TAFA1: variants seen among roughly 807,000 people sequenced by gnomAD.
The protein encoded by TAFA1 is chemokine-like protein TAFA-1.
Under a neutral mutation model 18.5 loss-of-function variants are expected in TAFA1, and 4 were observed. That is an observed-to-expected ratio of 0.22 (90% CI 0.11 to 0.49). TAFA1 has a LOEUF of 0.49. Among genes scored for constraint, TAFA1 ranks in the 20% least tolerant of loss-of-function variants. The pLI is 0.98. For synonymous variants in TAFA1, 56 were observed against 55.2 expected, an observed-to-expected ratio of 1.01 and a Z score of -0.06; for missense variants, 147 against 169.0, an observed-to-expected ratio of 0.87 and a Z score of 0.72.
At chr3:68,110,798 T>C (rs1033691120) in intron 2 of TAFA1, among the ~76,000 whole-genome samples, 1 of 152,104 alleles carries the variant, frequency 6.6e-6, no homozygotes, top group Non-Finnish European at 1.5e-5. Flanking sequence ...ATAAAAGTAA[T>C]TTTGATAGCT....
chr3:68,538,702 T>G (rs1444142059), intron 3 of TAFA1, 54 bp from the exon 4 acceptor site: 2 of 1,593,612 alleles, frequency 1.3e-6, no homozygotes, highest in Non-Finnish European at 1.7e-6. Context: ...ACAACGTCAG[T>G]GTTCAGGTTG....
intron 1 of TAFA1, chr3:68,006,309 T>G: frequency 3.9e-6 from 1 of 257,974 alleles, no homozygotes; most frequent in Non-Finnish European, 7.7e-6. Flanking sequence ...TAAAGATCAT[T>G]GTGTAAAATA....
At chr3:68,255,643 A>G (rs2067283491) in intron 2 of TAFA1, among the ~76,000 whole-genome samples, 1 of 152,096 alleles carries the variant, frequency 6.6e-6, no homozygotes, top group Non-Finnish European at 1.5e-5. Flanking sequence ...ACCAAAGCCC[A>G]TTCTTGAGAG....
intron 2 of TAFA1, among the ~76,000 whole-genome samples, chr3:68,128,955 C>G (rs758126187): frequency 6.6e-6 from 1 of 152,230 alleles, no homozygotes; most frequent in African/African-American, 2.4e-5. Flanking sequence ...AAAATTACCT[C>G]AGTAGGTCAT....
chr3:68,382,248 T>C (rs2106676248), intron 2 of TAFA1, among the ~76,000 whole-genome samples: 1 of 152,264 alleles, frequency 6.6e-6, no homozygotes, highest in Non-Finnish European at 1.5e-5. Flanking sequence ...CTCCTTTTTG[T>C]TGTGTCTCTG....
chr3:68,117,601 G>C (rs990464381), intron 2 of TAFA1, among the ~76,000 whole-genome samples: 3 of 152,156 alleles, frequency 2.0e-5, no homozygotes, highest in African/African-American at 7.2e-5. Flanking sequence ...CTGCAAATGA[G>C]AGTTTCACAG....
At chr3:68,195,904 C>T (rs183502547) in intron 2 of TAFA1, among the ~76,000 whole-genome samples, 10 of 151,772 alleles carry the variant, frequency 6.6e-5, no homozygotes, top group East Asian at 3.9e-4. Context: ...AAAATGTTTA[C>T]GGCTGGAATC....
At chr3:68,237,913 G>A (rs2066947489) in intron 2 of TAFA1, among the ~76,000 whole-genome samples, 1 of 151,830 alleles carries the variant, frequency 6.6e-6, no homozygotes, top group South Asian at 2.1e-4. Context: ...GATATAAAAA[G>A]GCATCACTGA....
rs189001091 is a variant in TAFA1 at position 68,534,542 on chromosome 3, A to G, written c.260-4214A>G. Among the ~76,000 whole-genome samples, 530 of 152,268 alleles carry G rather than the reference A, an allele frequency of 3.5e-3. 1 individual carries two copies. The highest frequency in any genetic ancestry group is 5.1e-3 in the Admixed American group (78 of 15,290). On this transcript the variant is annotated intron_variant, in intron 3 of 4. Coordinates refer to ENST00000478136, the MANE Select transcript of TAFA1 (RefSeq NM_213609.4). Reference sequence around the variant, plus strand: ...CTCTACAACTGGAAGAATGAATTGGATTCTAGTAAGCCAAAGGGTAAAGCA... The same window carrying G: ...CTCTACAACTGGAAGAATGAATTGGGTTCTAGTAAGCCAAAGGGTAAAGCA...
intron 3 of TAFA1, among the ~76,000 whole-genome samples, chr3:68,527,307 G>C (rs1376032837): frequency 1.3e-5 from 2 of 152,090 alleles, no homozygotes; most frequent in Non-Finnish European, 2.9e-5. Context: ...TCCTTGAGTT[G>C]CAAAAGGTCT....
intron 2 of TAFA1, among the ~76,000 whole-genome samples, chr3:68,015,575 A>G (rs923497808): frequency 2.6e-5 from 4 of 152,220 alleles, no homozygotes; most frequent in African/African-American, 7.2e-5. Flanking sequence ...GGCGTGAGCC[A>G]CCGTGCCCAG....
At chr3:68,338,787 T>C (rs1309950638) in intron 2 of TAFA1, among the ~76,000 whole-genome samples, 1 of 152,244 alleles carries the variant, frequency 6.6e-6, no homozygotes, top group Non-Finnish European at 1.5e-5. Flanking sequence ...ACCATACTGC[T>C]GTATAACAAG....
chr3:68,274,826 C>A (rs573087112), intron 2 of TAFA1, among the ~76,000 whole-genome samples: 35 of 152,220 alleles, frequency 2.3e-4, no homozygotes, highest in African/African-American at 7.5e-4. Context: ...CTTGTGCATT[C>A]TCTCTCTCTG....
At chr3:68,304,347 A>G (rs2068367704) in intron 2 of TAFA1, among the ~76,000 whole-genome samples, 1 of 124,634 alleles carries the variant, frequency 8.0e-6, no homozygotes, top group Admixed American at 8.9e-5. Flanking sequence ...TCTTCTTTGT[A>G]AAGTTTTCTT....
chr3:68,095,724 CACTT>C (rs1259849251), intron 2 of TAFA1, among the ~76,000 whole-genome samples: 5 of 152,188 alleles, frequency 3.3e-5, no homozygotes, highest in Non-Finnish European at 7.4e-5. Flanking sequence ...ATTTATTGAG[CACTT>C]ACTTACTGTG....
chr3:68,464,980 G>A (rs1416476155), intron 3 of TAFA1, among the ~76,000 whole-genome samples: 2 of 152,132 alleles, frequency 1.3e-5, no homozygotes, highest in Non-Finnish European at 2.9e-5. Flanking sequence ...CATACTTAGA[G>A]AAGGACAGTC....
At chr3:68,194,027 C>A (rs2066380519) in intron 2 of TAFA1, among the ~76,000 whole-genome samples, 2 of 151,760 alleles carry the variant, frequency 1.3e-5, no homozygotes, top group Non-Finnish European at 2.9e-5. Flanking sequence ...GAGACTTGGG[C>A]TGAAAGACTA....
chr3:68,415,107 C>A (rs570555699), intron 2 of TAFA1, among the ~76,000 whole-genome samples: 3 of 152,192 alleles, frequency 2.0e-5, no homozygotes, highest in African/African-American at 7.2e-5. Flanking sequence ...TAGTAAGGCA[C>A]TCTTCCATGA....
chr3:68,416,376 G>A (rs2070838727), intron 2 of TAFA1, among the ~76,000 whole-genome samples: 1 of 152,174 alleles, frequency 6.6e-6, no homozygotes, highest in Admixed American at 6.5e-5. Context: ...AATGCTTGGT[G>A]AATTTTTGCC....
Sources: gnomAD v4.1 joint callset for allele counts (sites outside exome capture counted in the v4.1 genomes callset) on GRCh38, gnomAD v4.1.1 for gene constraint, MANE v1.5 for transcripts, NCBI Gene and HGNC (gene_info 2026-07-23, HGNC 2026-07-21) for gene names.